The following AKT3 variants were observed in gnomAD, a reference collection of about 807,000 sequenced individuals.
AKT3 encodes RAC-gamma serine/threonine-protein kinase.
In AKT3, 15 loss-of-function variants were observed where a neutral mutation model predicts 65.3. The observed-to-expected ratio is 0.23, with a 90% CI of 0.15 to 0.35. The LOEUF is 0.35. Ranked by LOEUF, AKT3 falls within the 10% of genes least tolerant of loss-of-function variation. AKT3 has a pLI of 1.00. For synonymous variants in AKT3, 206 were observed against 183.8 expected, an observed-to-expected ratio of 1.12 and a Z score of -0.98; for missense variants, 243 against 576.5, an observed-to-expected ratio of 0.42 and a Z score of 5.92.
intron 13 of AKT3, among the ~76,000 whole-genome samples, chr1:243,506,723 G>C (rs968287983): frequency 6.6e-6 from 1 of 152,232 alleles, no homozygotes; most frequent in African/African-American, 2.4e-5. Flanking sequence ...CCTGCTCTGT[G>C]TAAGACACTG....
At chr1:243,592,826 T>G (rs903642536) in intron 8 of AKT3, among the ~76,000 whole-genome samples, 1 of 152,214 alleles carries the variant, frequency 6.6e-6, no homozygotes, top group African/African-American at 2.4e-5. Context: ...TGTTTTAAAT[T>G]TCCTTAAAAG....
At chr1:243,528,077 T>A (rs184532190) in intron 12 of AKT3, among the ~76,000 whole-genome samples, 1 of 152,304 alleles carries the variant, frequency 6.6e-6, no homozygotes, top group African/African-American at 2.4e-5. Flanking sequence ...CCAATTGATG[T>A]CACTACAAGG....
rs1412628993 is a variant in AKT3, at chr1:243,609,127, CAAGT to C, written c.696+4540_696+4543del. On this transcript the variant is annotated intron_variant, in intron 8 of 13. Transcript: ENST00000673466. ...AACCCAAAGCAAAACCAAAATTAAA[CAAGT>C]TGCCACAAGGATAAACACATCAAGC... is the stretch of plus-strand genomic sequence containing the variant. 2.6e-5 allele frequency among the ~76,000 whole-genome samples: 4 copies of C among 151,698 alleles called. No homozygotes were observed. In the East Asian group the frequency reaches 7.8e-4, roughly 29 times the overall value.
At chr1:243,763,869 G>A (rs994913408) in intron 2 of AKT3, among the ~76,000 whole-genome samples, 65 of 151,916 alleles carry the variant, frequency 4.3e-4, no homozygotes, top group African/African-American at 1.5e-3. Flanking sequence ...TTTCAGACAC[G>A]AATAGTACTT....
chr1:243,717,007 T>G (rs943394307), intron 2 of AKT3, among the ~76,000 whole-genome samples: 2 of 152,228 alleles, frequency 1.3e-5, no homozygotes, highest in African/African-American at 4.8e-5. Context: ...GTGTCAAGTC[T>G]GGCTTCTGTC....
chr1:243,637,073 G>A (rs1680029553), intron 6 of AKT3, among the ~76,000 whole-genome samples: 1 of 152,132 alleles, frequency 6.6e-6, no homozygotes, highest in South Asian at 2.1e-4. Context: ...AGAACTCTGA[G>A]TGAGAACTGA....
chr1:243,577,955 T>C (rs1054392507), intron 8 of AKT3, among the ~76,000 whole-genome samples: 2 of 152,290 alleles, frequency 1.3e-5, no homozygotes, highest in African/African-American at 4.8e-5. Flanking sequence ...CACTGATCAT[T>C]AGAGGATGCA....
chr1:243,704,945 G>T (rs935493475), intron 2 of AKT3, among the ~76,000 whole-genome samples: 3 of 152,062 alleles, frequency 2.0e-5, no homozygotes, highest in Admixed American at 1.3e-4. Context: ...CTCTTGGACT[G>T]GTCAATGTTG....
At chr1:243,702,645 T>C (rs924119778) in intron 2 of AKT3, among the ~76,000 whole-genome samples, 3 of 152,202 alleles carry the variant, frequency 2.0e-5, no homozygotes, top group Non-Finnish European at 4.4e-5. Flanking sequence ...ACTGCACTTA[T>C]TCAGAAGTAT....
chr1:243,583,772 T>C (rs1487912445), intron 8 of AKT3, among the ~76,000 whole-genome samples: 2 of 151,966 alleles, frequency 1.3e-5, no homozygotes, highest in Admixed American at 6.6e-5. Flanking sequence ...TTGAAATAAA[T>C]GAAAATAGGT....
intron 3 of AKT3, among the ~76,000 whole-genome samples, chr1:243,675,342 G>A (rs998043603): frequency 6.6e-6 from 1 of 152,156 alleles, no homozygotes; most frequent in African/African-American, 2.4e-5. Flanking sequence ...TGGGATTACA[G>A]GCGCATACTA....
In AKT3 at chr1:243,684,600, T is replaced by C. The variant is rs529402092; in HGVS notation, c.172+10991A>G. 6.6e-5 allele frequency among the ~76,000 whole-genome samples: 10 copies of C among 152,312 alleles called. No homozygotes were observed. In the South Asian group the frequency reaches 1.9e-3, roughly 28 times the overall value. ...GGTTCCAAGTCTTTGCTATTGTGAA[T>C]AGGGCTGCAATAAACATACGTGTGC... On this transcript the variant is annotated intron_variant, in intron 3 of 13. Coordinates refer to ENST00000673466, the MANE Select transcript of AKT3 (RefSeq NM_005465.7).
rs546384556 is a variant in AKT3, at chr1:243,785,022, C to G, written c.46+58103G>C. 5.9e-5 allele frequency among the ~76,000 whole-genome samples: 9 copies of G among 152,032 alleles called. No individual in the cohort carries two copies. In the South Asian group the frequency reaches 1.9e-3, roughly 32 times the overall value. On this transcript the variant is annotated intron_variant, in intron 2 of 13. Coordinates refer to ENST00000673466, the MANE Select transcript of AKT3 (RefSeq NM_005465.7). The stretch of plus-strand genomic sequence containing the variant: ...AAGTGATCCTCCTGCCTCAGCCTCC[C>G]CCGTAGCTGGGATTACAGGTACAAG...
At chr1:243,649,818 G>A (rs1188474262) in intron 4 of AKT3, among the ~76,000 whole-genome samples, 1 of 152,116 alleles carries the variant, frequency 6.6e-6, no homozygotes, top group Non-Finnish European at 1.5e-5. Flanking sequence ...TATCACTGAT[G>A]GACATTTGGG....
intron 2 of AKT3, among the ~76,000 whole-genome samples, chr1:243,769,625 T>G (rs905399234): frequency 6.6e-6 from 1 of 152,188 alleles, no homozygotes. Flanking sequence ...CTATTCAGAT[T>G]TCTTAATTGG....
intron 2 of AKT3, among the ~76,000 whole-genome samples, chr1:243,750,583 CTT>C (rs1366859334): frequency 2.3e-4 from 32 of 140,330 alleles, no homozygotes; most frequent in Admixed American, 2.1e-4. Context: ...TAAGGCTAAT[CTT>C]TTTTTTTTTT....
chr1:243,684,315 A>G (rs547570118), intron 3 of AKT3, among the ~76,000 whole-genome samples: 8 of 151,936 alleles, frequency 5.3e-5, no homozygotes, highest in Middle Eastern at 3.4e-3. Context: ...CTAGCCCCCA[A>G]TCTCTCAACA....
chr1:243,699,882 C>T (rs751553949), intron 2 of AKT3, among the ~76,000 whole-genome samples: 4 of 151,862 alleles, frequency 2.6e-5, no homozygotes, highest in Non-Finnish European at 5.9e-5. Context: ...GAAGGGGGAA[C>T]GTGGCCACAG....
chr1:243,560,720 A>G (rs1227917388), intron 10 of AKT3, among the ~76,000 whole-genome samples: 6 of 152,164 alleles, frequency 3.9e-5, no homozygotes, highest in Admixed American at 6.6e-5. Context: ...TAAACTTTCC[A>G]TTCAGAAACA....
Sources: allele counts gnomAD v4.1 joint callset (sites outside exome capture counted in the v4.1 genomes callset), GRCh38; gene constraint gnomAD v4.1.1; transcripts MANE v1.5; gene names NCBI Gene and HGNC (gene_info 2026-07-23, HGNC 2026-07-21).